Variants in HMG20A observed in about 807,000 individuals in gnomAD.
The protein encoded by HMG20A is high mobility group 20A.
In HMG20A, 17 loss-of-function variants were observed where a neutral mutation model predicts 43.9. That is an observed-to-expected ratio of 0.39 (90% confidence interval 0.27 to 0.58). The LOEUF is 0.58. Among genes scored for constraint, HMG20A ranks in the 20% least tolerant of loss-of-function variants. The pLI, the probability that HMG20A is intolerant of heterozygous loss-of-function variation, is 0.59. For synonymous variants in HMG20A, 132 were observed against 147.5 expected, an observed-to-expected ratio of 0.89 and a Z score of 0.76; for missense variants, 341 against 438.2, an observed-to-expected ratio of 0.78 and a Z score of 1.98.
chr15:77,456,139 T>TA (rs2072652074), intron 1 of HMG20A, among the ~76,000 whole-genome samples: 1 of 152,198 alleles, frequency 6.6e-6, no homozygotes, highest in Non-Finnish European at 1.5e-5. Context: ...TTCCTTTGTT[T>TA]ATATGATCTG....
In HMG20A at chr15:77,428,825, A is replaced by G. The variant is rs896103096; in HGVS notation, c.-5+7821A>G. On this transcript the variant is annotated intron_variant, in intron 1 of 9. Coordinates refer to ENST00000336216, the MANE Select transcript of HMG20A (RefSeq NM_001304504.2). ...ACAAAAAAATAAAAAATAGCCAGACATGGTGGTATATACACATGTGGTCAT... is the reference window on the plus strand; with the variant it reads ...ACAAAAAAATAAAAAATAGCCAGACGTGGTGGTATATACACATGTGGTCAT... Among the ~76,000 whole-genome samples, 3 of 152,014 alleles carry G rather than the reference A, an allele frequency of 2.0e-5. No homozygotes were observed. The East Asian group carries it at 5.8e-4, about 29-fold the overall frequency.
chr15:77,492,253 T>C, the HMG20A span, among the ~76,000 whole-genome samples: 24 of 152,354 alleles, frequency 1.6e-4, no homozygotes, highest in African/African-American at 5.3e-4. Context: ...GTAGTGACCA[T>C]AAATAATATT....
chr15:77,468,017 T>TA (rs962958436), intron 4 of HMG20A, among the ~76,000 whole-genome samples: 2 of 152,240 alleles, frequency 1.3e-5, no homozygotes, highest in Admixed American at 6.5e-5. Context: ...TTTTATGACT[T>TA]ACACTTTTTA....
intron 1 of HMG20A, among the ~76,000 whole-genome samples, chr15:77,438,345 A>G (rs1220354399): frequency 6.6e-6 from 1 of 151,696 alleles, no homozygotes; most frequent in Non-Finnish European, 1.5e-5. Flanking sequence ...GCATTTGGTT[A>G]CTCCTGAGAT....
At chr15:77,503,564 G>A in the HMG20A span, among the ~76,000 whole-genome samples, 1 of 152,152 alleles carries the variant, frequency 6.6e-6, no homozygotes, top group Non-Finnish European at 1.5e-5. Context: ...TATGTAAGCA[G>A]TGCAGCCACC....
intron 1 of HMG20A, among the ~76,000 whole-genome samples, chr15:77,451,100 T>C (rs1362177765): frequency 6.6e-6 from 1 of 152,230 alleles, no homozygotes; most frequent in Non-Finnish European, 1.5e-5. Flanking sequence ...TCATAACTCA[T>C]ATCTTTTTAG....
intron 1 of HMG20A, among the ~76,000 whole-genome samples, chr15:77,441,487 A>G (rs2073612584): frequency 6.6e-6 from 1 of 152,130 alleles, no homozygotes. Context: ...CAGCTAAACA[A>G]ATTTGAAGTT....
At chr15:77,421,409 T>TC (rs1054520759) in intron 1 of HMG20A, among the ~76,000 whole-genome samples, 2 of 152,228 alleles carry the variant, frequency 1.3e-5, no homozygotes, top group Non-Finnish European at 2.9e-5. Context: ...GAGCATTTCC[T>TC]CCCCAGCAAA....
chr15:77,518,058 T>C, the HMG20A span, among the ~76,000 whole-genome samples: 1 of 152,210 alleles, frequency 6.6e-6, no homozygotes, highest in East Asian at 1.9e-4. Flanking sequence ...TCATCAACAC[T>C]AGCCTGGCCC....
At chr15:77,440,915 C>T (rs2073605464) in intron 1 of HMG20A, among the ~76,000 whole-genome samples, 1 of 152,114 alleles carries the variant, frequency 6.6e-6, no homozygotes, top group African/African-American at 2.4e-5. Flanking sequence ...AAAATAGGTG[C>T]TAATGATAAT....
chr15:77,439,141 A>G (rs2073582871), intron 1 of HMG20A, among the ~76,000 whole-genome samples: 1 of 152,192 alleles, frequency 6.6e-6, no homozygotes. Flanking sequence ...TGTCAGAGCT[A>G]TTGAGAAGTG....
the HMG20A span, among the ~76,000 whole-genome samples, chr15:77,509,896 A>G: frequency 2.6e-4 from 34 of 130,264 alleles, no homozygotes; most frequent in African/African-American, 9.2e-4. Flanking sequence ...ACAGAGCAAG[A>G]CTCCGCCTCA....
intron 1 of HMG20A, among the ~76,000 whole-genome samples, chr15:77,439,460 GTTA>G (rs1407905790): frequency 6.6e-6 from 1 of 151,870 alleles, no homozygotes; most frequent in African/African-American, 2.4e-5. Flanking sequence ...TGTTTTACTT[GTTA>G]TTGAGCTTCA....
chr15:77,433,216 C>T (rs752706167), intron 1 of HMG20A, among the ~76,000 whole-genome samples: 51 of 151,618 alleles, frequency 3.4e-4, no homozygotes, highest in African/African-American at 1.1e-3. Context: ...GGCATGATAG[C>T]GTGCACCTAT....
chr15:77,516,631 C>T, the HMG20A span, among the ~76,000 whole-genome samples: 1 of 152,178 alleles, frequency 6.6e-6, no homozygotes, highest in Non-Finnish European at 1.5e-5. Flanking sequence ...GACCATCCCC[C>T]TCAAGAGTCC....
At chr15:77,487,624 C>A (rs2072952541), downstream of HMG20A, among the ~76,000 whole-genome samples, 1 of 152,126 alleles carries the variant, frequency 6.6e-6, no homozygotes, top group Non-Finnish European at 1.5e-5. Context: ...TTGTTTGTTC[C>A]CTTTCTCTAA....
At chr15:77,519,305 G>A in the HMG20A span, among the ~76,000 whole-genome samples, 1 of 152,230 alleles carries the variant, frequency 6.6e-6, no homozygotes, top group South Asian at 2.1e-4. Context: ...CCGGAAGAAA[G>A]TCCTGGAGCT....
chr15:77,518,665 T>C, the HMG20A span, among the ~76,000 whole-genome samples: 1 of 152,164 alleles, frequency 6.6e-6, no homozygotes, highest in African/African-American at 2.4e-5. Flanking sequence ...GGCGGAGCCT[T>C]GCCTCTCGCT....
At chr15:77,495,127 G>T in the HMG20A span, among the ~76,000 whole-genome samples, 36,769 of 152,122 alleles carry the variant, frequency 0.24, 5,159 homozygotes, top group Middle Eastern at 0.37. Flanking sequence ...GTCTGTTGCA[G>T]GCAAACCTTA....
Sources: gnomAD v4.1 joint callset for allele counts (sites outside exome capture counted in the v4.1 genomes callset) on GRCh38, gnomAD v4.1.1 for gene constraint, MANE v1.5 for transcripts, NCBI Gene and HGNC (gene_info 2026-07-23, HGNC 2026-07-21) for gene names.